The following EXTL1 variants were observed in gnomAD, a reference collection of about 807,000 sequenced individuals.
EXTL1 encodes exostosin like glycosyltransferase 1.
Under a neutral mutation model 64.6 loss-of-function variants are expected in EXTL1, and 43 were observed. The observed-to-expected ratio is 0.67, with a 90% CI of 0.52 to 0.86. The LOEUF (loss-of-function observed/expected upper bound fraction) is 0.86, where lower values mean the gene tolerates loss of function less well. Ranked by LOEUF, EXTL1 falls within the 40% of genes least tolerant of loss-of-function variation. EXTL1 has a pLI of 0.00. For synonymous variants in EXTL1, 352 were observed against 360.5 expected (o/e 0.98, Z 0.27); for missense variants, 766 against 879.0 (o/e 0.87, Z 1.62).
At chr1:26,032,575 T>C in intron 7 of EXTL1, 90 bp downstream of exon 7, 1 of 914,726 alleles carries the variant, frequency 1.1e-6, no homozygotes, top group Non-Finnish European at 1.7e-6. Flanking sequence ...TACTTGGGCC[T>C]GAGCCGCAGT....
intron 3 of EXTL1, among the ~76,000 whole-genome samples, 169 bp from the exon 4 acceptor site, chr1:26,030,307 C>T (rs1191701701): frequency 6.7e-6 from 1 of 149,958 alleles, no homozygotes; most frequent in Non-Finnish European, 1.5e-5. Context: ...TCAGACCCAA[C>T]TCTGTGTGAC....
intron 1 of EXTL1, among the ~76,000 whole-genome samples, chr1:26,024,751 T>C (rs2050196744): frequency 6.6e-6 from 1 of 152,162 alleles, no homozygotes; most frequent in African/African-American, 2.4e-5. Flanking sequence ...GGCTCTCCCT[T>C]TGCCATGCCC....
At position 26,031,226 on chromosome 1, in the gene EXTL1, C is replaced by G. The variant is rs2050282247; in HGVS notation, c.1196C>G (p.Thr399Arg). Residue 399 changes from threonine (T) to arginine (R), a missense_variant, in exon 5 of 11, where the codon ACA becomes AGA. This residue lies in a region of EXTL1 where 571 missense variants were observed against 647.6 expected (regional missense o/e 0.88). Coordinates refer to ENST00000374280, the MANE Select transcript of EXTL1 (RefSeq NM_004455.3). ...GALLALSTFS[T>R]SPQDFPFYYL... Reference sequence around the variant, plus strand: ...CTCCTGGCCCTGTCTACTTTTTCCACAAGCCCCCAGGACTTCCCCTTCTAC... The same window carrying G: ...CTCCTGGCCCTGTCTACTTTTTCCAGAAGCCCCCAGGACTTCCCCTTCTAC... 1 of 1,614,034 alleles carries G rather than the reference C, an allele frequency of 6.2e-7. No homozygotes were observed. Among genetic ancestry groups the G allele is most frequent in the Non-Finnish European group, 8.5e-7 (1 of 1,179,992 alleles).
chr1:26,031,452 T>TC lies in EXTL1; in HGVS notation c.1235-3dup. On this transcript the variant is annotated splice_region_variant and splice_polypyrimidine_tract_variant and intron_variant, in intron 5 of 10. Coordinates refer to ENST00000374280, the MANE Select transcript of EXTL1 (RefSeq NM_004455.3). ...CCCACTCTAATAGCCTGTGTCTCAT[T>TC]CCCCCAGGCTCCCGCCCTGAGGGCA... is the stretch of plus-strand genomic sequence containing the variant. 6.6e-7 allele frequency: 1 copy of TC among 1,510,690 alleles called. No individual in the cohort carries two copies. Among genetic ancestry groups the TC allele is most frequent in the Non-Finnish European group, 9.0e-7 (1 of 1,109,132 alleles). 93.6% of individuals were successfully genotyped at this position (1,510,690 alleles called of 1,614,324 possible). A position where few individuals can be genotyped will look rare whatever the true frequency, so the allele number is the denominator to read the frequency against.
rs1017837701 is a variant in EXTL1 at position 26,025,906 on chromosome 1, C to T, written c.779+2481C>T. 2.6e-5 allele frequency among the ~76,000 whole-genome samples: 4 copies of T among 152,108 alleles called. No homozygotes were observed. The highest frequency in any genetic ancestry group is 7.2e-5 in the African/African-American group (3 of 41,430). ...GGCTGTATCCATTGGGAACAAGGGG[C>T]ACAGTCAGTACCTAGGGCCCATGAT... On this transcript the variant is annotated intron_variant, in intron 1 of 10. Coordinates refer to ENST00000374280, the MANE Select transcript of EXTL1 (RefSeq NM_004455.3). The surrounding 1 kb of genome is among the most constrained non-coding windows in gnomAD (Gnocchi z 5.3).
Position 26,031,159 on chromosome 1 carries a change from T to C in EXTL1, c.1129T>C (p.Ser377Pro). 2 of 1,614,058 alleles carry C rather than the reference T, an allele frequency of 1.2e-6. No individual in the cohort carries two copies. Among genetic ancestry groups the C allele is most frequent in the South Asian group, 1.1e-5 (1 of 91,078 alleles). The change falls in exon 5 of 11, where the codon TCA (serine) becomes CCA (proline). Residue 377 changes from serine (S) to proline (P), a missense_variant. Ser to Pro is a moderately conservative substitution (Grantham distance 74). Coordinates refer to ENST00000374280, the MANE Select transcript of EXTL1 (RefSeq NM_004455.3). ...TATTCAGGACCGGATTTTTGGAACA[T>C]CAGCTCACCCCTCACTGCTGTGGAA... ...EVIQDRIFGT[S>P]AHPSLLWNSP... is the part of the protein sequence containing the mutation.
At chr1:26,027,686 C>G (rs1434785015) in intron 1 of EXTL1, among the ~76,000 whole-genome samples, 1 of 86,192 alleles carries the variant, frequency 1.2e-5, no homozygotes, top group Non-Finnish European at 2.4e-5. Context: ...GAGACCCCAT[C>G]TCTAAAAAAA....
Position 26,022,491 on chromosome 1 carries a change from G to T in EXTL1, c.-156G>T. 1.6e-6 allele frequency: 1 copy of T among 620,738 alleles called. No homozygotes were observed. Among genetic ancestry groups the T allele is most frequent in the Non-Finnish European group, 2.8e-6 (1 of 355,518 alleles). 38.5% of individuals were successfully genotyped at this position (620,738 alleles called of 1,614,324 possible). A position where few individuals can be genotyped will look rare whatever the true frequency, so the allele number is the denominator to read the frequency against. On this transcript the variant is annotated 5_prime_UTR_variant, in exon 1 of 11. Transcript: ENST00000374280. ...ACTCACTATCTGACCTTAGACAGGCGGCCTGGTCTCGATGGGCCTCAGTCT... is the reference window on the plus strand; with the variant it reads ...ACTCACTATCTGACCTTAGACAGGCTGCCTGGTCTCGATGGGCCTCAGTCT...
At chr1:26,032,928 T>C (rs1232017062) in intron 7 of EXTL1, among the ~76,000 whole-genome samples, 1 of 152,124 alleles carries the variant, frequency 6.6e-6, no homozygotes, top group Non-Finnish European at 1.5e-5. Context: ...CCAGAGTTGA[T>C]GTGACAATAT....
intron 1 of EXTL1, among the ~76,000 whole-genome samples, chr1:26,026,447 C>G (rs929106241): frequency 2.0e-5 from 3 of 151,902 alleles, no homozygotes; most frequent in African/African-American, 7.3e-5. Context: ...GCACGCACCA[C>G]TACACCCAGC....
At position 26,033,710 on chromosome 1, in the gene EXTL1, T is replaced by C; in HGVS notation, c.1533T>C (p.Phe511=). The C allele has an allele frequency of 5.6e-6, 9 of 1,614,098 alleles. No individual in the cohort carries two copies. Among genetic ancestry groups the C allele is most frequent in the Non-Finnish European group, 7.6e-6 (9 of 1,179,962 alleles). The part of the protein sequence containing the change: ...SLSTSEVDFA[F]LVWQSFPERM... ...TCCCTCCCCAGGTGGACTTTGCCTT[T>C]CTGGTGTGGCAGAGCTTCCCAGAGC... is the stretch of plus-strand genomic sequence containing the variant. Residue 511 remains phenylalanine (F), a synonymous_variant, in exon 9 of 11, where the codon TTT becomes TTC. Transcript: ENST00000374280. The surrounding 1 kb of genome is among the most constrained non-coding windows in gnomAD (Gnocchi z 5.1).
In EXTL1 at chr1:26,034,766, A is replaced by T; in HGVS notation, c.1680-70A>T. ...GGGGGTCAAAGGGAGAGGTGAGGTC[A>T]GGAGGGAGGAGAATGGGGCCTGGGG... On this transcript the variant is annotated intron_variant, in intron 9 of 10. Coordinates refer to ENST00000374280, the MANE Select transcript of EXTL1 (RefSeq NM_004455.3). This position sits in a 1 kb window ranked among gnomAD's most constrained non-coding sequence, Gnocchi z 4.6. 6.7e-7 allele frequency: 1 copy of T among 1,503,622 alleles called. No individual in the cohort carries two copies. 93.1% of individuals were successfully genotyped at this position (1,503,622 alleles called of 1,614,324 possible). A position where few individuals can be genotyped will look rare whatever the true frequency, so the allele number is the denominator to read the frequency against.
intron 1 of EXTL1, among the ~76,000 whole-genome samples, 189 bp downstream of exon 1, chr1:26,023,614 G>C (rs1202600548): frequency 2.6e-5 from 4 of 152,196 alleles, no homozygotes; most frequent in African/African-American, 9.7e-5. Flanking sequence ...ATGGGGACTT[G>C]AAGCAAGGGT....
In EXTL1 at chr1:26,029,044, C is replaced by T. The variant is rs140066444; in HGVS notation, c.780-149C>T. 3.6e-4 allele frequency: 212 copies of T among 594,150 alleles called. 1 individual carries two copies. Among genetic ancestry groups the T allele is most frequent in the African/African-American group, 7.4e-4 (40 of 53,960 alleles). 36.8% of individuals were successfully genotyped at this position (594,150 alleles called of 1,614,324 possible). ...GTGTTTGTGTTAGTGCGTCAGTGTGCGGCTGTGCATATGCATGAGTGGGTT... is the reference window on the plus strand; with the variant it reads ...GTGTTTGTGTTAGTGCGTCAGTGTGTGGCTGTGCATATGCATGAGTGGGTT... On this transcript the variant is annotated intron_variant, in intron 1 of 10. Coordinates refer to ENST00000374280, the MANE Select transcript of EXTL1 (RefSeq NM_004455.3).
chr1:26,029,577 C>T (rs753382802), intron 2 of EXTL1, 23 bp from the exon 3 acceptor site: 37 of 1,466,648 alleles, frequency 2.5e-5, no homozygotes, highest in Non-Finnish European at 3.3e-5. Flanking sequence ...GCTGGGCTCC[C>T]CAGTGACCTC....
In EXTL1 at chr1:26,029,596, C is replaced by G; in HGVS notation, c.874-4C>G. 1 of 1,592,272 alleles carries G rather than the reference C, an allele frequency of 6.3e-7. No homozygotes were observed. Among genetic ancestry groups the G allele is most frequent in the Non-Finnish European group, 8.6e-7 (1 of 1,166,220 alleles). Reference sequence around the variant, plus strand: ...GGCTCCCCAGTGACCTCCCCGCCCCCCAGGCCGGCTGCATCCCAGTGCTTC... The same window carrying G: ...GGCTCCCCAGTGACCTCCCCGCCCCGCAGGCCGGCTGCATCCCAGTGCTTC... On this transcript the variant is annotated splice_region_variant and splice_polypyrimidine_tract_variant and intron_variant, in intron 2 of 10. Transcript: ENST00000374280.
chr1:26,024,401 C>T (rs753121494), intron 1 of EXTL1, among the ~76,000 whole-genome samples: 3 of 152,132 alleles, frequency 2.0e-5, no homozygotes, highest in Non-Finnish European at 4.4e-5. Flanking sequence ...TCCTTTTGCT[C>T]CTCCCTCAGG....
chr1:26,028,736 G>T (rs986425292), intron 1 of EXTL1, among the ~76,000 whole-genome samples: 1 of 152,226 alleles, frequency 6.6e-6, no homozygotes, highest in Non-Finnish European at 1.5e-5. Flanking sequence ...AGCCTTTCAC[G>T]GGCCTGGCTT....
chr1:26,031,597 A>T (rs2050288219), intron 6 of EXTL1, 31 bp downstream of exon 6: 1 of 1,380,508 alleles, frequency 7.2e-7, no homozygotes, highest in Non-Finnish European at 9.9e-7. Flanking sequence ...GAGTCCTGGG[A>T]TCCAGGGTGG....
Sources: gnomAD v4.1 joint callset for allele counts (sites outside exome capture counted in the v4.1 genomes callset) on GRCh38, gnomAD v4.1.1 for gene constraint, gnomAD v4.1.1 regional missense constraint, Gnocchi (gnomAD v3.1) non-coding constraint, MANE v1.5 for transcripts, NCBI Gene and HGNC (gene_info 2026-07-23, HGNC 2026-07-21) for gene names.